The following GARIN3 variants were observed in gnomAD, a reference collection of about 807,000 sequenced individuals.
GARIN3 encodes golgi associated RAB2 interactor family member 3.
At chr5:157,164,053 C>T in the GARIN3 span, among the ~76,000 whole-genome samples, 6 of 147,480 alleles carry the variant, frequency 4.1e-5, no homozygotes, top group African/African-American at 5.0e-5. Flanking sequence ...CAGAGTGAGA[C>T]ACTGTTTAAA....
the GARIN3 span, chr5:157,165,970 C>G: frequency 1.6e-4 from 257 of 1,614,158 alleles, no homozygotes; most frequent in Admixed American, 2.8e-4. Flanking sequence ...ACCATTCGGA[C>G]ACGGTTGTGT....
chr5:157,164,743 G>C, the GARIN3 span, among the ~76,000 whole-genome samples: 1 of 152,052 alleles, frequency 6.6e-6, no homozygotes, highest in African/African-American at 2.4e-5. Flanking sequence ...TCAGTGCCTG[G>C]TAGTCACAGG....
At chr5:157,164,706 C>G in the GARIN3 span, among the ~76,000 whole-genome samples, 1 of 152,208 alleles carries the variant, frequency 6.6e-6, no homozygotes, top group African/African-American at 2.4e-5. Context: ...CATACACACA[C>G]ACAGGGTGTG....
the GARIN3 span, among the ~76,000 whole-genome samples, chr5:157,164,348 C>T: frequency 6.6e-6 from 1 of 152,044 alleles, no homozygotes; most frequent in Non-Finnish European, 1.5e-5. Flanking sequence ...GATGAGGTTT[C>T]ACCATGTTGG....
At chr5:157,165,319 C>T in the GARIN3 span, among the ~76,000 whole-genome samples, 2 of 152,174 alleles carry the variant, frequency 1.3e-5, no homozygotes, top group Admixed American at 1.3e-4. Context: ...GATTTCAACC[C>T]TGGGTGTGAG....
chr5:157,162,243 G>T, the GARIN3 span: 16 of 731,228 alleles, frequency 2.2e-5, no homozygotes, highest in Non-Finnish European at 3.2e-5. Context: ...GGAGGCTGGG[G>T]TCTCCAGCTG....
chr5:157,163,949 C>T, the GARIN3 span, among the ~76,000 whole-genome samples: 2 of 152,026 alleles, frequency 1.3e-5, no homozygotes, highest in Non-Finnish European at 2.9e-5. Context: ...CCCAGCTACT[C>T]AGTAGGCTGA....
At chr5:157,162,934 G>C in the GARIN3 span, 2 of 1,614,068 alleles carry the variant, frequency 1.2e-6, no homozygotes, top group Non-Finnish European at 1.7e-6. Flanking sequence ...GCGGTGATGA[G>C]AACTTTTCCT....
At chr5:157,165,124 AT>A in the GARIN3 span, among the ~76,000 whole-genome samples, 2 of 152,208 alleles carry the variant, frequency 1.3e-5, no homozygotes, top group African/African-American at 4.8e-5. Flanking sequence ...GGTACAATGT[AT>A]ATTATTCAGA....
chr5:157,162,585 G>A, the GARIN3 span: 210 of 1,614,126 alleles, frequency 1.3e-4, 1 homozygote, highest in South Asian at 2.2e-3. Flanking sequence ...TCTTAGCCAC[G>A]ATATCTACCT....
chr5:157,166,088 G>C, the GARIN3 span: 1 of 1,614,154 alleles, frequency 6.2e-7, no homozygotes, highest in Non-Finnish European at 8.5e-7. Flanking sequence ...GTCGTTGCAG[G>C]TCCCCCATGG....
the GARIN3 span, chr5:157,162,955 C>T: frequency 6.2e-7 from 1 of 1,614,198 alleles, no homozygotes; most frequent in South Asian, 1.1e-5. Context: ...ACTGGGATGT[C>T]TGTCCTTCTT....
the GARIN3 span, chr5:157,165,560 T>C: frequency 6.2e-7 from 1 of 1,604,204 alleles, no homozygotes; most frequent in African/African-American, 1.3e-5. Context: ...TTGAGAGGCT[T>C]ACCACTAGGC....
chr5:157,163,176 G>A, the GARIN3 span: 31 of 1,613,896 alleles, frequency 1.9e-5, no homozygotes, highest in East Asian at 3.6e-4. Context: ...AGAGACTGGC[G>A]GCCCCCGCCA....
the GARIN3 span, chr5:157,163,505 T>A: frequency 1.9e-6 from 3 of 1,614,114 alleles, no homozygotes; most frequent in Non-Finnish European, 2.5e-6. Context: ...GCCCCTGGAG[T>A]GCTCGTGGAT....
chr5:157,166,099 A>G, the GARIN3 span: 1 of 1,614,164 alleles, frequency 6.2e-7, no homozygotes, highest in Non-Finnish European at 8.5e-7. Context: ...TCCCCCATGG[A>G]GGTTTTGAAC....
chr5:157,164,060 T>TA, the GARIN3 span, among the ~76,000 whole-genome samples: 2 of 146,302 alleles, frequency 1.4e-5, no homozygotes, highest in African/African-American at 5.1e-5. Flanking sequence ...AGACACTGTT[T>TA]AAAAAAAAGA....
chr5:157,165,966 C>A, the GARIN3 span: 1 of 1,614,128 alleles, frequency 6.2e-7, no homozygotes, highest in Non-Finnish European at 8.5e-7. Context: ...TGTCACCATT[C>A]GGACACGGTT....
chr5:157,162,091 G>A, the GARIN3 span: 18 of 282,582 alleles, frequency 6.4e-5, no homozygotes, highest in Admixed American at 1.9e-4. Flanking sequence ...GAGAATGGGC[G>A]AGGGGACATG....
Sources: gnomAD v4.1 joint callset for allele counts (sites outside exome capture counted in the v4.1 genomes callset) on GRCh38, gnomAD v4.1.1 for gene constraint, MANE v1.5 for transcripts, NCBI Gene and HGNC (gene_info 2026-07-23, HGNC 2026-07-21) for gene names.